Variants in ATP11A observed in about 807,000 individuals in gnomAD.
ATP11A encodes the protein phospholipid-transporting ATPase IH.
A neutral mutation model predicts 154.4 loss-of-function variants in ATP11A; 81 were observed. That is an observed-to-expected ratio of 0.52 (90% confidence interval 0.44 to 0.63). ATP11A has a LOEUF of 0.63. ATP11A is among the 30% of genes least tolerant of loss of function. The pLI, the probability that ATP11A is intolerant of heterozygous loss-of-function variation, is 0.00. For synonymous variants in ATP11A, 623 were observed against 585.9 expected, an observed-to-expected ratio of 1.06 and a Z score of -0.91; for missense variants, 1,316 against 1,474.3, an observed-to-expected ratio of 0.89 and a Z score of 1.76.
chr13:112,714,415 C>T (rs1888190403), intron 1 of ATP11A, among the ~76,000 whole-genome samples: 3 of 152,142 alleles, frequency 2.0e-5, no homozygotes. Context: ...GTGGCTGGCT[C>T]GTCAGGGAGC....
At chr13:112,872,877 T>C (rs2080570965) in intron 26 of ATP11A, among the ~76,000 whole-genome samples, 1 of 149,940 alleles carries the variant, frequency 6.7e-6, no homozygotes, top group African/African-American at 2.5e-5. Context: ...AGCTGTGGCT[T>C]TGTCTCCCGA....
chr13:112,740,564 G>A (rs147625733), intron 1 of ATP11A, among the ~76,000 whole-genome samples: 16 of 152,306 alleles, frequency 1.1e-4, no homozygotes, highest in African/African-American at 1.9e-4. Context: ...GATGGCATCC[G>A]ATAACCTTTT....
In ATP11A at chr13:112,717,944, G is replaced by A. The variant is rs1396723272; in HGVS notation, c.39+27489G>A. ...ATACAAAAATTAGCTGAGCGTGGTG[G>A]TGCATGCCTGTAATCCCAGCTACTC... is the stretch of plus-strand genomic sequence containing the variant. On this transcript the variant is annotated intron_variant, in intron 1 of 29. Transcript: ENST00000375645. Among the ~76,000 whole-genome samples the A allele has an allele frequency of 3.9e-5, 6 of 152,312 alleles. No homozygotes were observed. The East Asian group carries it at 1.2e-3, about 29-fold the overall frequency.
Position 112,690,534 on chromosome 13 carries a change from C to T in ATP11A, c.39+79C>T. The T allele has an allele frequency of 1.1e-5, 14 of 1,225,382 alleles. No individual in the cohort carries two copies. Among genetic ancestry groups the T allele is most frequent in the South Asian group, 3.1e-5 (1 of 32,042 alleles). 75.9% of individuals were successfully genotyped at this position (1,225,382 alleles called of 1,614,324 possible). On this transcript the variant is annotated intron_variant, in intron 1 of 29. Transcript: ENST00000375645. The surrounding 1 kb of genome is among the most constrained non-coding windows in gnomAD (Gnocchi z 5.6). ...GGCCCCGCAGCCCGGACCCTGTGGC[C>T]GGTCCAGCCCCGGGGTCCCGGGAGG...
chr13:112,752,276 A>G (rs1476803748), intron 1 of ATP11A, among the ~76,000 whole-genome samples: 1 of 152,196 alleles, frequency 6.6e-6, no homozygotes, highest in African/African-American at 2.4e-5. Flanking sequence ...ATGGGGCAGG[A>G]CAGTGGGGCT....
At chr13:112,741,042 C>T (rs1891494462) in intron 1 of ATP11A, among the ~76,000 whole-genome samples, 1 of 152,222 alleles carries the variant, frequency 6.6e-6, no homozygotes, top group South Asian at 2.1e-4. Context: ...TTACATGGGC[C>T]TTGTTTGCTT....
intron 14 of ATP11A, 95 bp from the exon 15 acceptor site, chr13:112,834,494 G>T: frequency 2.5e-6 from 2 of 787,246 alleles, no homozygotes; most frequent in Admixed American, 2.2e-5. Context: ...TTTCTTTTTT[G>T]AAAAGAACGC....
chr13:112,847,557 A>G (rs1424923432), intron 17 of ATP11A, among the ~76,000 whole-genome samples: 1 of 152,238 alleles, frequency 6.6e-6, no homozygotes, highest in Non-Finnish European at 1.5e-5. Context: ...GCTGAAAAGC[A>G]TTTGATTACG....
intron 1 of ATP11A, among the ~76,000 whole-genome samples, chr13:112,714,036 TTCACTCCC>T: frequency 6.8e-6 from 1 of 146,104 alleles, no homozygotes; most frequent in Non-Finnish European, 1.5e-5. Context: ...ACACCTCCCT[TTCACTCCC>T]CCGACCCCTG....
intron 14 of ATP11A, among the ~76,000 whole-genome samples, chr13:112,833,688 A>G (rs1204158966): frequency 6.6e-6 from 1 of 152,160 alleles, no homozygotes; most frequent in Non-Finnish European, 1.5e-5. Flanking sequence ...TGTTTTCTCC[A>G]TGCAACTTGA....
At chr13:112,833,256 G>A (rs559441581) in intron 14 of ATP11A, among the ~76,000 whole-genome samples, 14 of 152,220 alleles carry the variant, frequency 9.2e-5, no homozygotes, top group African/African-American at 2.9e-4. Context: ...CTGACTTTGC[G>A]TGGGTGGCTT....
chr13:112,740,999 A>G (rs1159481209), intron 1 of ATP11A, among the ~76,000 whole-genome samples: 3 of 152,392 alleles, frequency 2.0e-5, no homozygotes, highest in Non-Finnish European at 2.9e-5. Flanking sequence ...TCTGAGAACC[A>G]AACAAGCAAG....
At chr13:112,854,082 C>T (rs1020433934) in intron 18 of ATP11A, among the ~76,000 whole-genome samples, 197 bp from the exon 19 acceptor site, 1 of 152,170 alleles carries the variant, frequency 6.6e-6, no homozygotes, top group African/African-American at 2.4e-5. Context: ...GGAAGTGTTT[C>T]GCTGTGAAAC....
intron 1 of ATP11A, among the ~76,000 whole-genome samples, chr13:112,699,811 A>G (rs1886309772): frequency 6.6e-6 from 1 of 152,120 alleles, no homozygotes. Context: ...TGAGCCATTC[A>G]TGTCGCCTCC....
At chr13:112,790,542 G>T (rs944025239) in intron 2 of ATP11A, among the ~76,000 whole-genome samples, 3 of 142,618 alleles carry the variant, frequency 2.1e-5, no homozygotes, top group Middle Eastern at 3.6e-3. Context: ...AATTCACACC[G>T]GGTATTCTGA....
intron 1 of ATP11A, among the ~76,000 whole-genome samples, chr13:112,729,390 G>A (rs1025207535): frequency 5.3e-5 from 8 of 151,218 alleles, no homozygotes; most frequent in Non-Finnish European, 1.2e-4. Flanking sequence ...TGCGGGCCCA[G>A]AGTATCTAAC....
chr13:112,747,636 G>A (rs1217621223), intron 1 of ATP11A, among the ~76,000 whole-genome samples: 1 of 152,214 alleles, frequency 6.6e-6, no homozygotes, highest in East Asian at 1.9e-4. Context: ...AGGAGTTCGA[G>A]ACCGGCCTGG....
chr13:112,828,428 G>A (rs1438223258), intron 12 of ATP11A, among the ~76,000 whole-genome samples: 1 of 139,304 alleles, frequency 7.2e-6, no homozygotes, highest in Non-Finnish European at 1.6e-5. Context: ...GTGTTGAGTG[G>A]GGGGAAAGTG....
At chr13:112,819,066 A>G (rs376501911) in intron 6 of ATP11A, among the ~76,000 whole-genome samples, 33 of 152,378 alleles carry the variant, frequency 2.2e-4, no homozygotes, top group African/African-American at 7.5e-4. Flanking sequence ...GAATTCGAGC[A>G]TTGCTATCTG....
Sources: gnomAD v4.1 joint callset for allele counts (sites outside exome capture counted in the v4.1 genomes callset) on GRCh38, gnomAD v4.1.1 for gene constraint, Gnocchi (gnomAD v3.1) non-coding constraint, MANE v1.5 for transcripts, NCBI Gene and HGNC (gene_info 2026-07-23, HGNC 2026-07-21) for gene names.